ZSWIM5: variants seen among roughly 807,000 people sequenced by gnomAD.
ZSWIM5 encodes zinc finger SWIM domain-containing protein 5.
In ZSWIM5, 55 loss-of-function variants were observed where a neutral mutation model predicts 119.6. The observed-to-expected ratio is 0.46, with a 90% CI of 0.37 to 0.58. The LOEUF (loss-of-function observed/expected upper bound fraction) is 0.58. Ranked by LOEUF, ZSWIM5 falls within the 20% of genes least tolerant of loss-of-function variation. ZSWIM5 has a pLI of 0.00. For synonymous variants in ZSWIM5, 537 were observed against 606.9 expected, an observed-to-expected ratio of 0.88 and a Z score of 1.69; for missense variants, 1,193 against 1,512.8, an observed-to-expected ratio of 0.79 and a Z score of 3.51.
At chr1:45,100,092 A>T (rs554999846) in intron 1 of ZSWIM5, among the ~76,000 whole-genome samples, 1 of 152,312 alleles carries the variant, frequency 6.6e-6, no homozygotes, top group African/African-American at 2.4e-5. Flanking sequence ...CAATTAGGAA[A>T]AGAGGAAATC....
At chr1:45,032,102 T>C (rs1157337319) in intron 11 of ZSWIM5, among the ~76,000 whole-genome samples, 1 of 152,182 alleles carries the variant, frequency 6.6e-6, no homozygotes, top group East Asian at 1.9e-4. Context: ...AATTGAACTG[T>C]GGTTGTCTGA....
intron 1 of ZSWIM5, among the ~76,000 whole-genome samples, chr1:45,146,475 T>G (rs1382782451): frequency 7.6e-6 from 1 of 131,712 alleles, no homozygotes; most frequent in Non-Finnish European, 1.6e-5. Flanking sequence ...AGAGTCTTGC[T>G]CTCACCCAGG....
intron 1 of ZSWIM5, among the ~76,000 whole-genome samples, chr1:45,170,373 A>G (rs562123281): frequency 7.7e-4 from 117 of 152,220 alleles, no homozygotes; most frequent in Middle Eastern, 3.4e-3. Flanking sequence ...ATAAATCAGA[A>G]GACAGTTTTA....
intron 1 of ZSWIM5, among the ~76,000 whole-genome samples, chr1:45,121,099 G>A (rs1296973409): frequency 4.6e-5 from 7 of 152,038 alleles, no homozygotes; most frequent in Admixed American, 2.0e-4. Flanking sequence ...ACAGGCGCCC[G>A]CCACCTTGCC....
chr1:45,130,423 C>T (rs1645649166), intron 1 of ZSWIM5, among the ~76,000 whole-genome samples: 3 of 150,842 alleles, frequency 2.0e-5, no homozygotes, highest in African/African-American at 4.9e-5. Context: ...ACGCAATTAG[C>T]AAATGGGCAA....
At chr1:45,169,774 T>C (rs1291901277) in intron 1 of ZSWIM5, among the ~76,000 whole-genome samples, 2 of 152,138 alleles carry the variant, frequency 1.3e-5, no homozygotes, top group African/African-American at 4.8e-5. Context: ...AAAACTTCTA[T>C]TGTACTAGTG....
rs561771289 is a variant in ZSWIM5 at position 45,115,459 on chromosome 1, G to A, written c.596-27222C>T. Among the ~76,000 whole-genome samples the A allele has an allele frequency of 2.2e-3, 335 of 151,386 alleles. 2 individuals carry two copies. Among genetic ancestry groups the A allele is most frequent in the Non-Finnish European group, 3.8e-3 (256 of 67,818 alleles). On this transcript the variant is annotated intron_variant, in intron 1 of 13. Transcript: ENST00000359600. ...CAGAGACGCTCCTCACCTTCCAGAC[G>A]GGGTGGCGGTCGGGCAGAGACACTC...
intron 2 of ZSWIM5, among the ~76,000 whole-genome samples, chr1:45,082,471 T>C (rs1645299565): frequency 6.6e-6 from 1 of 152,208 alleles, no homozygotes; most frequent in African/African-American, 2.4e-5. Flanking sequence ...ATCAGTGCCA[T>C]CCTAGCTAGA....
At chr1:45,045,327 G>A (rs1372629272) in intron 5 of ZSWIM5, among the ~76,000 whole-genome samples, 3 of 152,070 alleles carry the variant, frequency 2.0e-5, no homozygotes, top group African/African-American at 4.8e-5. Context: ...TATACTGTAC[G>A]GACATTTCCA....
chr1:45,069,560 G>A (rs1256016711), intron 2 of ZSWIM5, among the ~76,000 whole-genome samples: 1 of 151,976 alleles, frequency 6.6e-6, no homozygotes, highest in Non-Finnish European at 1.5e-5. Context: ...GGAATTTGAG[G>A]ACTCGTTTTA....
intron 2 of ZSWIM5, among the ~76,000 whole-genome samples, chr1:45,067,032 T>C (rs1645187890): frequency 6.6e-6 from 1 of 152,122 alleles, no homozygotes. Context: ...GATAAATAAA[T>C]TTGGGGAAGA....
chr1:45,018,925 C>G lies in ZSWIM5; in HGVS notation c.3087G>C (p.Leu1029=). Reference sequence around the variant, plus strand: ...CTGGGTGAGTATCCTGGTTGTAGGCCAGGTTAAGATGGCTCATGGCCAATG... The same window carrying G: ...CTGGGTGAGTATCCTGGTTGTAGGCGAGGTTAAGATGGCTCATGGCCAATG... ...LASLAMSHLN[L]AYNQDTHPAI... is the part of the protein sequence containing the mutation. Residue 1029 remains leucine (L), a synonymous_variant, in exon 14 of 14, where the codon CTG becomes CTC. Transcript: ENST00000359600. This position sits in a 1 kb window ranked among gnomAD's most constrained non-coding sequence, Gnocchi z 6.7. 3 of 1,614,202 alleles carry G rather than the reference C, an allele frequency of 1.9e-6. No individual in the cohort carries two copies. Among genetic ancestry groups the G allele is most frequent in the Non-Finnish European group, 1.7e-6 (2 of 1,180,038 alleles).
At chr1:45,105,438 C>A (rs1466478282) in intron 1 of ZSWIM5, among the ~76,000 whole-genome samples, 4 of 148,476 alleles carry the variant, frequency 2.7e-5, no homozygotes, top group Non-Finnish European at 6.1e-5. Context: ...TGTGCCTCTG[C>A]CCGGCCGCCC....
At chr1:45,091,226 T>C (rs1645362223) in intron 1 of ZSWIM5, among the ~76,000 whole-genome samples, 1 of 152,194 alleles carries the variant, frequency 6.6e-6, no homozygotes. Flanking sequence ...GAAAGTACAT[T>C]CTTAATTTCC....
intron 1 of ZSWIM5, among the ~76,000 whole-genome samples, chr1:45,177,491 G>C (rs1645988459): frequency 6.6e-6 from 1 of 152,074 alleles, no homozygotes; most frequent in Non-Finnish European, 1.5e-5. Context: ...ATCAATAATG[G>C]TGAAAGTTAC....
In ZSWIM5 at chr1:45,206,038, T is replaced by C; in HGVS notation, c.313A>G (p.Asn105Asp). Residue 105 changes from asparagine to aspartate, a missense_variant, in exon 1 of 14, where the codon AAT (asparagine) becomes GAT (aspartate). Around this residue, in one of 2 missense-constraint regions of ZSWIM5, gnomAD observed 232 missense variants for 222.9 expected, o/e 1.04. Transcript: ENST00000359600. ...RRIVYWSFPR[N>D]EREICMYSSF... ...GAGTACATGCAGATCTCCCGCTCAT[T>C]CCGCGGGAAGGACCAGTAGACGATG... 3.1e-6 allele frequency: 5 copies of C among 1,606,604 alleles called. No homozygotes were observed. Among genetic ancestry groups the C allele is most frequent in the Non-Finnish European group, 4.2e-6 (5 of 1,177,198 alleles).
At chr1:45,056,115 G>A (rs1645119910) in intron 4 of ZSWIM5, among the ~76,000 whole-genome samples, 1 of 152,198 alleles carries the variant, frequency 6.6e-6, no homozygotes. Context: ...GAGACTGGCA[G>A]CAATGGGCAA....
chr1:45,104,916 T>G (rs1352792340), intron 1 of ZSWIM5, among the ~76,000 whole-genome samples: 1 of 152,246 alleles, frequency 6.6e-6, no homozygotes, highest in Non-Finnish European at 1.5e-5. Context: ...GAAGCCCAGG[T>G]ATTCACTTAC....
At chr1:45,091,868 T>G (rs1441689908) in intron 1 of ZSWIM5, among the ~76,000 whole-genome samples, 1 of 152,152 alleles carries the variant, frequency 6.6e-6, no homozygotes, top group African/African-American at 2.4e-5. Flanking sequence ...TCATCAATAA[T>G]TATCTTAGTA....
Sources: allele counts gnomAD v4.1 joint callset (sites outside exome capture counted in the v4.1 genomes callset), GRCh38; gene constraint gnomAD v4.1.1; regional missense constraint gnomAD v4.1.1; non-coding constraint Gnocchi (gnomAD v3.1); transcripts MANE v1.5; gene names NCBI Gene and HGNC (gene_info 2026-07-23, HGNC 2026-07-21).